Variants in ZNF236 observed in about 807,000 individuals in gnomAD.
ZNF236 encodes the protein regulated by glucose.
A neutral mutation model predicts 191.2 loss-of-function variants in ZNF236; 50 were observed. The observed-to-expected ratio is 0.26, with a 90% confidence interval of 0.21 to 0.33. The LOEUF (loss-of-function observed/expected upper bound fraction) is 0.33. Among genes scored for constraint, ZNF236 ranks in the 10% least tolerant of loss-of-function variants. ZNF236 has a pLI of 1.00. For synonymous variants in ZNF236, 907 were observed against 928.8 expected (o/e 0.98, Z 0.43); for missense variants, 1,754 against 2,374.5 (o/e 0.74, Z 5.43).
chr18:76,895,312 G>T, intron 10 of ZNF236, 27 bp downstream of exon 10: 1 of 1,593,628 alleles, frequency 6.3e-7, no homozygotes, highest in South Asian at 1.1e-5. Context: ...GGGCCCACAC[G>T]GGCACTGGCC....
intron 1 of ZNF236, among the ~76,000 whole-genome samples, chr18:76,826,037 T>C (rs892658785): frequency 1.3e-5 from 2 of 152,240 alleles, no homozygotes; most frequent in African/African-American, 4.8e-5. Flanking sequence ...TGCCCTATTA[T>C]GAATTTCATT....
At position 76,968,324 on chromosome 18, in the gene ZNF236, C is replaced by T. The variant is rs200705605; in HGVS notation, c.5529C>T (p.Leu1843=). Reference sequence around the variant, plus strand: ...AGGCCGCCGGCGAGTGGCAGGCCCTCACCCACGTCTTCTGATGCGAGTTGG... The same window carrying T: ...AGGCCGCCGGCGAGTGGCAGGCCCTTACCCACGTCTTCTGATGCGAGTTGG... ...VQEAAGEWQA[L]THVF is the part of the protein sequence containing the mutation. The change falls in exon 31 of 31, where the codon CTC becomes CTT. Residue 1843 remains leucine (L), a synonymous_variant. Coordinates refer to ENST00000320610, the MANE Select transcript of ZNF236 (RefSeq NM_001306089.2). The T allele has an allele frequency of 3.5e-4, 562 of 1,607,706 alleles. No homozygotes were observed. The African/African-American group carries it at 6.9e-3, about 20-fold the overall frequency.
intron 3 of ZNF236, among the ~76,000 whole-genome samples, chr18:76,852,675 C>T (rs1389240272): frequency 6.6e-6 from 1 of 151,974 alleles, no homozygotes. Context: ...CTCTGAACTC[C>T]CCCTTTGCAT....
chr18:76,837,451 T>TC (rs1286815333), intron 1 of ZNF236, among the ~76,000 whole-genome samples: 1 of 145,994 alleles, frequency 6.8e-6, no homozygotes, highest in Non-Finnish European at 1.5e-5. Context: ...TTTTTTTTTT[T>TC]TTTTTTGAGA....
chr18:76,845,882 GC>G (rs1733875842), intron 1 of ZNF236, among the ~76,000 whole-genome samples: 1 of 151,832 alleles, frequency 6.6e-6, no homozygotes, highest in Non-Finnish European at 1.5e-5. Context: ...CCCCCAGAAG[GC>G]CATCCCATGA....
intron 27 of ZNF236, 66 bp downstream of exon 27, chr18:76,947,718 T>C: frequency 1.3e-6 from 2 of 1,562,606 alleles, no homozygotes; most frequent in Non-Finnish European, 1.7e-6. Flanking sequence ...TCAGAAGGGA[T>C]GGTGGTAGAG....
intron 10 of ZNF236, among the ~76,000 whole-genome samples, chr18:76,897,314 T>G (rs985795239): frequency 7.9e-5 from 12 of 151,360 alleles, no homozygotes; most frequent in Non-Finnish European, 1.3e-4. Flanking sequence ...CAAACAGTAC[T>G]GCACACAGGC....
intron 10 of ZNF236, among the ~76,000 whole-genome samples, chr18:76,896,313 A>G (rs1489875014): frequency 6.6e-6 from 1 of 151,610 alleles, no homozygotes; most frequent in Non-Finnish European, 1.5e-5. Flanking sequence ...GCCGTGCTGC[A>G]CACACACAGG....
chr18:76,844,038 G>A (rs761186112), intron 1 of ZNF236, among the ~76,000 whole-genome samples: 3 of 151,696 alleles, frequency 2.0e-5, no homozygotes, highest in Admixed American at 1.3e-4. Flanking sequence ...TCAGGAGTTC[G>A]AGACCAGCCT....
intron 1 of ZNF236, among the ~76,000 whole-genome samples, chr18:76,840,217 G>C (rs112616611): frequency 1.3e-5 from 2 of 152,200 alleles, no homozygotes; most frequent in Non-Finnish European, 2.9e-5. Flanking sequence ...GAGACCGGCC[G>C]GGTGCGGTGG....
chr18:76,823,788 A>T (rs539559153), intron 1 of ZNF236, among the ~76,000 whole-genome samples: 91 of 151,732 alleles, frequency 6.0e-4, no homozygotes, highest in South Asian at 5.6e-3. Context: ...ATCGGGGCGC[A>T]CTCGCCGGTG....
chr18:76,962,848 G>C (rs983356125), intron 30 of ZNF236, among the ~76,000 whole-genome samples: 1 of 152,068 alleles, frequency 6.6e-6, no homozygotes, highest in Non-Finnish European at 1.5e-5. Flanking sequence ...TATTGTAAAA[G>C]GGGTTGACTC....
intron 1 of ZNF236, among the ~76,000 whole-genome samples, chr18:76,840,008 G>T (rs1975432504): frequency 6.6e-6 from 1 of 152,156 alleles, no homozygotes; most frequent in Non-Finnish European, 1.5e-5. Context: ...TAGAGTTCTG[G>T]TTAAAGGTAA....
intron 9 of ZNF236, among the ~76,000 whole-genome samples, chr18:76,890,656 G>A (rs143076027): frequency 8.2e-4 from 125 of 152,152 alleles, no homozygotes; most frequent in African/African-American, 2.7e-3. Flanking sequence ...CTTATTGTAC[G>A]TTTAATTTGC....
At chr18:76,858,134 A>G (rs943902046) in intron 3 of ZNF236, among the ~76,000 whole-genome samples, 1 of 152,190 alleles carries the variant, frequency 6.6e-6, no homozygotes, top group Non-Finnish European at 1.5e-5. Flanking sequence ...ATCGGGTAGT[A>G]AGTTTTTGGT....
At chr18:76,891,889 G>C (rs568710629) in intron 9 of ZNF236, among the ~76,000 whole-genome samples, 1 of 152,108 alleles carries the variant, frequency 6.6e-6, no homozygotes, top group African/African-American at 2.4e-5. Context: ...AGTGTACTTT[G>C]ATAACTAGAA....
chr18:76,912,005 A>T (rs1297976438), intron 16 of ZNF236, among the ~76,000 whole-genome samples: 1 of 152,196 alleles, frequency 6.6e-6, no homozygotes, highest in Non-Finnish European at 1.5e-5. Context: ...TTTATGGTTG[A>T]TTAAGCTTTG....
At chr18:76,905,641 A>T (rs1038120161) in intron 13 of ZNF236, among the ~76,000 whole-genome samples, 2 of 149,888 alleles carry the variant, frequency 1.3e-5, no homozygotes, top group Non-Finnish European at 3.0e-5. Context: ...TTCATTTTTA[A>T]TTTAATAATG....
At chr18:76,944,192 C>T (rs1312060419) in intron 26 of ZNF236, among the ~76,000 whole-genome samples, 1 of 152,154 alleles carries the variant, frequency 6.6e-6, no homozygotes, top group Non-Finnish European at 1.5e-5. Flanking sequence ...ACGCAGCTGC[C>T]CCAGCTGCCA....
Sources: allele counts gnomAD v4.1 joint callset (sites outside exome capture counted in the v4.1 genomes callset), GRCh38; gene constraint gnomAD v4.1.1; transcripts MANE v1.5; gene names NCBI Gene and HGNC (gene_info 2026-07-23, HGNC 2026-07-21).